The following STK10 variants were observed in gnomAD, a reference collection of about 807,000 sequenced individuals.
STK10 encodes the protein serine/threonine-protein kinase 10.
In STK10, 78 loss-of-function variants were observed where a neutral mutation model predicts 113.8. That is an observed-to-expected ratio of 0.69 (90% CI 0.57 to 0.83). STK10 has a LOEUF of 0.83. Among genes scored for constraint, STK10 ranks in the 40% least tolerant of loss-of-function variants. The probability of loss-of-function intolerance (pLI) is 0.00; values close to 1 mark genes in which losing one functional copy is unlikely to be tolerated. For synonymous variants in STK10, 465 were observed against 494.7 expected, an observed-to-expected ratio of 0.94 and a Z score of 0.80; for missense variants, 1,109 against 1,280.1, an observed-to-expected ratio of 0.87 and a Z score of 2.04.
At chr5:172,049,569 C>T (rs538275782) in intron 18 of STK10, among the ~76,000 whole-genome samples, 2 of 151,028 alleles carry the variant, frequency 1.3e-5, no homozygotes, top group Non-Finnish European at 2.9e-5. Flanking sequence ...CAGTAGTTCT[C>T]GAAGTGTGGT....
chr5:172,153,190 G>A (rs1770273539), intron 2 of STK10, among the ~76,000 whole-genome samples: 1 of 152,090 alleles, frequency 6.6e-6, no homozygotes, highest in Non-Finnish European at 1.5e-5. Context: ...GGAGGCTGAG[G>A]CAAGAGAATC....
At chr5:172,080,044 G>A (rs1187857905) in intron 12 of STK10, among the ~76,000 whole-genome samples, 11 of 152,060 alleles carry the variant, frequency 7.2e-5, no homozygotes, top group African/African-American at 2.4e-4. Context: ...AAAAGCATGT[G>A]CTCACTTCCT....
intron 2 of STK10, among the ~76,000 whole-genome samples, chr5:172,155,766 C>T (rs1770336142): frequency 6.6e-6 from 1 of 151,212 alleles, no homozygotes; most frequent in Non-Finnish European, 1.5e-5. Flanking sequence ...AGGCCAAGGC[C>T]AGCGGATCAC....
At position 172,044,665 on chromosome 5, in the gene STK10, T is replaced by A. The variant is rs1205782980; in HGVS notation, c.*217A>T. ...AAGGAGAATATACATTAGGTTCAGG[T>A]GACAAATAATTACACCTCACCCTCC... On this transcript the variant is annotated 3_prime_UTR_variant, in exon 19 of 19. Coordinates refer to ENST00000176763, the MANE Select transcript of STK10 (RefSeq NM_005990.4). The surrounding 1 kb of genome is among the most constrained non-coding windows in gnomAD (Gnocchi z 4.5). The A allele has an allele frequency of 7.5e-6, 5 of 662,472 alleles. No individual in the cohort carries two copies. In the African/African-American group the frequency reaches 9.1e-5, roughly 12 times the overall value. The allele number at this position is 662,472 out of a possible 1,614,324, so 41.0% of individuals were successfully genotyped here.
chr5:172,091,914 G>A (rs561235284), intron 9 of STK10, among the ~76,000 whole-genome samples: 4 of 152,330 alleles, frequency 2.6e-5, no homozygotes, highest in Admixed American at 1.3e-4. Context: ...AGGAGCCAGC[G>A]TGGCAGGTCT....
intron 13 of STK10, chr5:172,061,689 A>G (rs142795466): frequency 0.022 from 3,373 of 154,958 alleles, 123 homozygotes; most frequent in African/African-American, 0.077. Flanking sequence ...TGACCTTGTG[A>G]TCTGCCTGCC....
chr5:172,130,329 G>A (rs1163891802), intron 2 of STK10, among the ~76,000 whole-genome samples: 7 of 152,076 alleles, frequency 4.6e-5, no homozygotes, highest in African/African-American at 9.7e-5. Flanking sequence ...TCAGGAGTTC[G>A]AGACCAGCCT....
chr5:172,156,855 C>G, intron 1 of STK10, 67 bp from the exon 2 acceptor site: 13 of 1,549,096 alleles, frequency 8.4e-6, no homozygotes, highest in Non-Finnish European at 8.8e-6. Flanking sequence ...TGGACGTGAG[C>G]CCGCAGTCCT....
chr5:172,141,379 C>T (rs1402412786), intron 2 of STK10, among the ~76,000 whole-genome samples: 1 of 151,938 alleles, frequency 6.6e-6, no homozygotes, highest in African/African-American at 2.4e-5. Context: ...GAGTTCGAGA[C>T]CAGCCTGGGC....
chr5:172,064,489 A>G, intron 13 of STK10: 3 of 580,930 alleles, frequency 5.2e-6, no homozygotes, highest in Non-Finnish European at 9.2e-6. Flanking sequence ...GTCAATGTAA[A>G]GTGTTGGGGT....
At chr5:172,049,365 G>A (rs1365116544) in intron 18 of STK10, among the ~76,000 whole-genome samples, 1 of 152,150 alleles carries the variant, frequency 6.6e-6, no homozygotes, top group African/African-American at 2.4e-5. Context: ...CGTGGGGGAG[G>A]CCTGAATAAT....
intron 2 of STK10, among the ~76,000 whole-genome samples, chr5:172,137,053 T>A (rs1409504959): frequency 2.6e-5 from 4 of 151,804 alleles, no homozygotes; most frequent in Non-Finnish European, 5.9e-5. Context: ...GCATATATTA[T>A]TATCTTTAAA....
At chr5:172,153,345 G>A (rs1770284560) in intron 2 of STK10, among the ~76,000 whole-genome samples, 1 of 147,740 alleles carries the variant, frequency 6.8e-6, no homozygotes, top group Non-Finnish European at 1.5e-5. Context: ...TGATGCATGT[G>A]GCTCACATTA....
At chr5:172,161,404 G>C (rs2113823038) in intron 1 of STK10, among the ~76,000 whole-genome samples, 1 of 150,308 alleles carries the variant, frequency 6.7e-6, no homozygotes, top group East Asian at 2.0e-4. Context: ...AGTGAGCCGA[G>C]ATCACACCAC....
chr5:172,080,468 G>C (rs1768404082), intron 12 of STK10, among the ~76,000 whole-genome samples: 1 of 152,206 alleles, frequency 6.6e-6, no homozygotes, highest in South Asian at 2.1e-4. Context: ...TACACCAGAC[G>C]GTTAGCCAAG....
Position 172,082,210 on chromosome 5 carries a change from G to A in STK10, c.1989+116C>T, listed in dbSNP as rs910840393. ...CACAGATCCAGGCTCACCTGCTCCCGAGCTCTTCAGCCGTACCCCTCTGCT... is the reference window on the plus strand; with the variant it reads ...CACAGATCCAGGCTCACCTGCTCCCAAGCTCTTCAGCCGTACCCCTCTGCT... On this transcript the variant is annotated intron_variant, in intron 12 of 18. Transcript: ENST00000176763. This position sits in a 1 kb window ranked among gnomAD's most constrained non-coding sequence, Gnocchi z 4.3. The A allele has an allele frequency of 1.4e-5, 17 of 1,199,614 alleles. No individual in the cohort carries two copies. The highest frequency in any genetic ancestry group is 1.1e-4 in the South Asian group (6 of 52,290). The allele number at this position is 1,199,614 out of a possible 1,614,324, so 74.3% of individuals were successfully genotyped here.
At chr5:172,173,310 C>T (rs1159048175) in intron 1 of STK10, among the ~76,000 whole-genome samples, 1 of 152,208 alleles carries the variant, frequency 6.6e-6, no homozygotes, top group African/African-American at 2.4e-5. Context: ...AATCTCAGGG[C>T]TGACCAGGGA....
intron 17 of STK10, among the ~76,000 whole-genome samples, chr5:172,054,114 C>T (rs1231240920): frequency 6.6e-6 from 1 of 152,204 alleles, no homozygotes; most frequent in African/African-American, 2.4e-5. Context: ...GCTTCAAGTA[C>T]CAGCTCCTGG....
At chr5:172,178,849 C>T (rs1217722330) in intron 1 of STK10, among the ~76,000 whole-genome samples, 1 of 152,190 alleles carries the variant, frequency 6.6e-6, no homozygotes, top group East Asian at 1.9e-4. Context: ...ATGCCTCCCT[C>T]CCCCATGGAG....
Sources: allele counts gnomAD v4.1 joint callset (sites outside exome capture counted in the v4.1 genomes callset), GRCh38; gene constraint gnomAD v4.1.1; non-coding constraint Gnocchi (gnomAD v3.1); transcripts MANE v1.5; gene names NCBI Gene and HGNC (gene_info 2026-07-23, HGNC 2026-07-21).